OR6F1: variants seen among roughly 807,000 people sequenced by gnomAD.
OR6F1 encodes olfactory receptor 6F1.
For missense variants in OR6F1, 346 were observed against 376.0 expected, an observed-to-expected ratio of 0.92 and a Z score of 0.66; for synonymous variants, 144 against 150.0, an observed-to-expected ratio of 0.96 and a Z score of 0.29.
chr1:247,712,335 A>G lies in OR6F1; in HGVS notation c.421T>C (p.Ser141Pro), dbSNP rs756837305. Reference sequence around the variant, plus strand: ...CAGGAGCCCAGGGCCAGCTGCGCTGAGAGCAGGCTACTCATGATGGCTCCG... The same window carrying G: ...CAGGAGCCCAGGGCCAGCTGCGCTGGGAGCAGGCTACTCATGATGGCTCCG... ...HYGAIMSSLL[S>P]AQLALGSWVC... Residue 141 changes from serine (S) to proline (P), a missense_variant, in exon 3 of 3, where the codon TCA becomes CCA. Physicochemically the swap from Ser to Pro is moderately conservative, Grantham distance 74. Coordinates refer to ENST00000641470, the MANE Select transcript of OR6F1 (RefSeq NM_001005286.2). 10 of 1,614,134 alleles carry G rather than the reference A, an allele frequency of 6.2e-6. No homozygotes were observed. Among genetic ancestry groups the G allele is most frequent in the Non-Finnish European group, 7.6e-6 (9 of 1,179,948 alleles).
intron 1 of OR6F1, among the ~76,000 whole-genome samples, chr1:247,714,876 A>C (rs1429728651): frequency 6.6e-6 from 1 of 152,210 alleles, no homozygotes; most frequent in African/African-American, 2.4e-5. Flanking sequence ...TGTAATAACT[A>C]TTTTTGAATT....
intron 2 of OR6F1, among the ~76,000 whole-genome samples, chr1:247,713,228 A>G (rs941951563): frequency 6.6e-6 from 1 of 152,216 alleles, no homozygotes; most frequent in Non-Finnish European, 1.5e-5. Flanking sequence ...AAATTGGCCC[A>G]GTAAACCTAA....
chr1:247,716,022 G>GC (rs1302658581), intron 1 of OR6F1, among the ~76,000 whole-genome samples: 1 of 152,102 alleles, frequency 6.6e-6, no homozygotes, highest in African/African-American at 2.4e-5. Flanking sequence ...GGAGGTCAGG[G>GC]CGGGGGGATC....
rs764971292 is a variant in OR6F1 at position 247,712,400 on chromosome 1, G to A, written c.356C>T (p.Ala119Val). 6 of 1,614,076 alleles carry A rather than the reference G, an allele frequency of 3.7e-6. No individual in the cohort carries two copies. Among genetic ancestry groups the A allele is most frequent in the Non-Finnish European group, 5.1e-6 (6 of 1,179,884 alleles). The change falls in exon 3 of 3, where the codon GCT becomes GTT. Residue 119 changes from alanine (A) to valine (V), a missense_variant. By Grantham distance (64) the Ala-to-Val change is moderately conservative. Coordinates refer to ENST00000641470, the MANE Select transcript of OR6F1 (RefSeq NM_001005286.2). ...GCAGATGGCAAGACAGCGGTCATAA[G>A]CCATGGCTGCCAGGAGGAAGTACTC... ...CTEYFLLAAM[A>V]YDRCLAICYP...
Position 247,711,938 on chromosome 1 carries a change from G to A in OR6F1, c.818C>T (p.Ala273Val), listed in dbSNP as rs745386565. 6.2e-7 allele frequency: 1 copy of A among 1,613,890 alleles called. No homozygotes were observed. The highest frequency in any genetic ancestry group is 2.2e-5 in the East Asian group (1 of 44,862). Residue 273 changes from alanine to valine, a missense_variant, in exon 3 of 3, where the codon GCT (alanine) becomes GTT (valine). Physicochemically the swap from Ala to Val is moderately conservative, Grantham distance 64. Coordinates refer to ENST00000641470, the MANE Select transcript of OR6F1 (RefSeq NM_001005286.2). ...SIKDALDLIK[A>V]VHVLNTVVTP... ...CACCACAGTGTTCAGGACGTGGACA[G>A]CTTTGATCAGATCCAAGGCATCTTT...
At chr1:247,712,904 C>T in intron 2 of OR6F1, 87 bp from the exon 3 acceptor site, 3 of 556,292 alleles carry the variant, frequency 5.4e-6, no homozygotes, top group Non-Finnish European at 6.3e-6. Flanking sequence ...TCATTGAATG[C>T]CTGCTCTGTG....
chr1:247,712,246 G>A lies in OR6F1; in HGVS notation c.510C>T (p.Gly170=), dbSNP rs369946329. 93 of 1,614,080 alleles carry A rather than the reference G, an allele frequency of 5.8e-5. No individual in the cohort carries two copies. The highest frequency in any genetic ancestry group is 7.6e-5 in the Non-Finnish European group (90 of 1,180,032). The part of the protein sequence containing the change: ...TALISGLSFC[G]PRAINHFFCD... ...AGAAGAAGTGGTTGATGGCACGGGG[G>A]CCACAGAAGGACAGGCCACTGATGA... Residue 170 remains glycine (G), a synonymous_variant, in exon 3 of 3, where the codon GGC becomes GGT. Transcript: ENST00000641470.
intron 2 of OR6F1, among the ~76,000 whole-genome samples, chr1:247,713,290 C>T (rs944205563): frequency 1.3e-5 from 2 of 151,008 alleles, no homozygotes; most frequent in African/African-American, 5.0e-5. Flanking sequence ...TGATCTAATT[C>T]ATAAGATTTG....
intron 2 of OR6F1, among the ~76,000 whole-genome samples, chr1:247,713,170 G>T (rs2103190073): frequency 6.6e-6 from 1 of 152,270 alleles, no homozygotes; most frequent in East Asian, 1.9e-4. Context: ...ATTTTAACTA[G>T]ACTCTGCATG....
chr1:247,715,917 T>C (rs1318088627), intron 1 of OR6F1, among the ~76,000 whole-genome samples: 3 of 152,170 alleles, frequency 2.0e-5, no homozygotes, highest in Non-Finnish European at 4.4e-5. Context: ...ATTGATTGAA[T>C]ACTATAATGG....
In OR6F1 at chr1:247,712,856, A is replaced by G. The variant is rs146552103; in HGVS notation, c.-62-39T>C. On this transcript the variant is annotated intron_variant, in intron 2 of 2. Coordinates refer to ENST00000641470, the MANE Select transcript of OR6F1 (RefSeq NM_001005286.2). The stretch of plus-strand genomic sequence containing the variant: ...AAGAATGGATTCATGAAAGAGCTCC[A>G]ATAATTAAATGTAATTATTGGAGAT... 894 of 638,880 alleles carry G rather than the reference A, an allele frequency of 1.4e-3. 8 individuals are homozygous for G. The East Asian group carries it at 0.02, about 15-fold the overall frequency. 39.6% of individuals were successfully genotyped at this position (638,880 alleles called of 1,614,324 possible).
rs1427596260 is a variant in OR6F1 at position 247,711,990 on chromosome 1, C to T, written c.766G>A (p.Val256Ile). Reference protein sequence around the residue: ...TVVLIWYGSTVFLHVRTSIKD... With the variant: ...TVVLIWYGSTIFLHVRTSIKD... ...ATAGAGGTGCGGACGTGAAGGAAAACTGTGGACCCATACCAAATGAGCACC... is the reference window on the plus strand; with the variant it reads ...ATAGAGGTGCGGACGTGAAGGAAAATTGTGGACCCATACCAAATGAGCACC... Residue 256 changes from valine (V) to isoleucine (I), a missense_variant, in exon 3 of 3, where the codon GTT (valine) becomes ATT (isoleucine). Coordinates refer to ENST00000641470, the MANE Select transcript of OR6F1 (RefSeq NM_001005286.2). 6.2e-7 allele frequency: 1 copy of T among 1,614,224 alleles called. No homozygotes were observed. Among genetic ancestry groups the T allele is most frequent in the Non-Finnish European group, 8.5e-7 (1 of 1,180,026 alleles).
chr1:247,712,693 T>C lies in OR6F1; in HGVS notation c.63A>G (p.Gln21=), dbSNP rs1558302433. ...GCATAAAGAGAGAGAGCTGAAGAGTTTGAGAACCAGGAAAGCCCAGTAAGA... is the reference window on the plus strand; with the variant it reads ...GCATAAAGAGAGAGAGCTGAAGAGTCTGAGAACCAGGAAAGCCCAGTAAGA... ...DFLLLGFPGS[Q]TLQLSLFMLF... Residue 21 remains glutamine, a synonymous_variant, in exon 3 of 3, where the codon CAA becomes CAG. Coordinates refer to ENST00000641470, the MANE Select transcript of OR6F1 (RefSeq NM_001005286.2). 1.9e-6 allele frequency: 3 copies of C among 1,611,588 alleles called. No homozygotes were observed. Among genetic ancestry groups the C allele is most frequent in the Non-Finnish European group, 2.5e-6 (3 of 1,179,872 alleles).
At chr1:247,713,291 A>G (rs1660044639) in intron 2 of OR6F1, among the ~76,000 whole-genome samples, 1 of 152,238 alleles carries the variant, frequency 6.6e-6, no homozygotes, top group Admixed American at 6.5e-5. Context: ...GATCTAATTC[A>G]TAAGATTTGT....
At chr1:247,712,908 C>G (rs994704645) in intron 2 of OR6F1, 91 bp from the exon 3 acceptor site, 3 of 556,588 alleles carry the variant, frequency 5.4e-6, no homozygotes, top group Non-Finnish European at 9.5e-6. Context: ...TGAATGCCTG[C>G]TCTGTGTTTG....
rs1242552986 is a variant in OR6F1 at position 247,712,496 on chromosome 1, C to T, written c.260G>A (p.Gly87Glu). ...AVPKALAILL[G>E]RSQTISFTSC... ...TGTAAATGATATGGTCTGACTTCTC[C>T]CCAGTAGGATGGCCAGTGCTTTGGG... The change falls in exon 3 of 3, where the codon GGG becomes GAG. Residue 87 changes from glycine (G) to glutamate (E), a missense_variant. Gly to Glu is a moderately conservative substitution (Grantham distance 98). Transcript: ENST00000641470. 2.5e-6 allele frequency: 4 copies of T among 1,613,956 alleles called. No individual in the cohort carries two copies. In the Admixed American group the frequency reaches 5.0e-5, roughly 20 times the overall value.
At position 247,712,228 on chromosome 1, in the gene OR6F1, G is replaced by A. The variant is rs144069302; in HGVS notation, c.528C>T (p.His176=). ...TCCAGGGTGCAATGTCACAGAAGAAGTGGTTGATGGCACGGGGGCCACAGA... is the reference window on the plus strand; with the variant it reads ...TCCAGGGTGCAATGTCACAGAAGAAATGGTTGATGGCACGGGGGCCACAGA... ...LSFCGPRAIN[H]FFCDIAPWIA... The change falls in exon 3 of 3, where the codon CAC becomes CAT. Residue 176 remains histidine, a synonymous_variant. Coordinates refer to ENST00000641470, the MANE Select transcript of OR6F1 (RefSeq NM_001005286.2). 6.2e-7 allele frequency: 1 copy of A among 1,614,232 alleles called. No homozygotes were observed. The highest frequency in any genetic ancestry group is 8.5e-7 in the Non-Finnish European group (1 of 1,180,032).
intron 1 of OR6F1, among the ~76,000 whole-genome samples, chr1:247,715,202 A>G (rs1660084055): frequency 6.6e-6 from 1 of 152,212 alleles, no homozygotes; most frequent in African/African-American, 2.4e-5. Flanking sequence ...GATATTTTTT[A>G]TAGGTTCCTA....
At chr1:247,713,799 A>C in intron 2 of OR6F1, 92 bp downstream of exon 2, 1 of 397,666 alleles carries the variant, frequency 2.5e-6, no homozygotes, top group Non-Finnish European at 4.4e-6. Flanking sequence ...TTCCCGCATA[A>C]ACCCAAAGCT....
Sources: gnomAD v4.1 joint callset for allele counts (sites outside exome capture counted in the v4.1 genomes callset) on GRCh38, gnomAD v4.1.1 for gene constraint, MANE v1.5 for transcripts, NCBI Gene and HGNC (gene_info 2026-07-23, HGNC 2026-07-21) for gene names.